Variants in DNAJC13 observed in about 807,000 individuals in gnomAD.
DNAJC13 encodes the protein dnaJ homolog subfamily C member 13.
In DNAJC13, 75 loss-of-function variants were observed where a neutral mutation model predicts 290.5. That is an observed-to-expected ratio of 0.26 (90% CI 0.21 to 0.31). The LOEUF (loss-of-function observed/expected upper bound fraction) is 0.31. Ranked by LOEUF, DNAJC13 falls within the 10% of genes least tolerant of loss-of-function variation. The pLI, the probability that DNAJC13 is intolerant of heterozygous loss-of-function variation, is 1.00. For missense variants in DNAJC13, 2,260 were observed against 2,674.5 expected, an observed-to-expected ratio of 0.85 and a Z score of 3.42; for synonymous variants, 862 against 892.0, an observed-to-expected ratio of 0.97 and a Z score of 0.60.
chr3:132,479,385 T>C (rs1934590994), intron 25 of DNAJC13, 96 bp downstream of exon 25: 3 of 849,458 alleles, frequency 3.5e-6, no homozygotes. Flanking sequence ...GGAGTGTTCT[T>C]TTCTGTCTTC....
At chr3:132,479,345 A>G in intron 25 of DNAJC13, 56 bp downstream of exon 25, 2 of 1,213,724 alleles carry the variant, frequency 1.6e-6, no homozygotes, top group Non-Finnish European at 2.4e-6. Context: ...AGTATGTAAG[A>G]TAAACTCACA....
At chr3:132,420,747 A>G (rs2107636466) in intron 1 of DNAJC13, among the ~76,000 whole-genome samples, 1 of 152,316 alleles carries the variant, frequency 6.6e-6, no homozygotes, top group African/African-American at 2.4e-5. Flanking sequence ...GAGGATAACT[A>G]TGGCAAAAAC....
chr3:132,531,373 A>G (rs1206354548), intron 55 of DNAJC13, among the ~76,000 whole-genome samples: 1 of 152,250 alleles, frequency 6.6e-6, no homozygotes, highest in Admixed American at 6.5e-5. Flanking sequence ...GCATGTCTGT[A>G]TTAAAGTATT....
At chr3:132,434,453 G>A (rs1033540044) in intron 1 of DNAJC13, 85 bp from the exon 2 acceptor site, 1 of 927,824 alleles carries the variant, frequency 1.1e-6, no homozygotes, top group Non-Finnish European at 1.6e-6. Context: ...GTGAGAGAGC[G>A]ATCTTGCTAC....
chr3:132,508,712 C>T (rs1048962370), intron 43 of DNAJC13, among the ~76,000 whole-genome samples: 1 of 152,172 alleles, frequency 6.6e-6, no homozygotes, highest in Non-Finnish European at 1.5e-5. Context: ...CCCCAAACTT[C>T]AGTATTCCAG....
chr3:132,502,382 T>C lies in DNAJC13; in HGVS notation c.4630T>C (p.Leu1544=). The change falls in exon 40 of 56, where the codon TTG becomes CTG. Residue 1544 remains leucine (L), a synonymous_variant. Transcript: ENST00000260818. ...LQTHLFQAGI[L]WYLLGFLFNY... is the part of the protein sequence containing the mutation. Reference sequence around the variant, plus strand: ...GACACACCTATTTCAGGCTGGAATTTTGTGGTATCTCCTTGGTTTTCTGTT... The same window carrying C: ...GACACACCTATTTCAGGCTGGAATTCTGTGGTATCTCCTTGGTTTTCTGTT... 5 of 1,614,088 alleles carry C rather than the reference T, an allele frequency of 3.1e-6. No individual in the cohort carries two copies. Among genetic ancestry groups the C allele is most frequent in the Non-Finnish European group, 3.4e-6 (4 of 1,179,972 alleles).
At chr3:132,529,296 G>A (rs1936345270) in intron 54 of DNAJC13, among the ~76,000 whole-genome samples, 1 of 152,042 alleles carries the variant, frequency 6.6e-6, no homozygotes, top group Admixed American at 6.5e-5. Flanking sequence ...ATATGTCATT[G>A]TACGTAAATG....
At chr3:132,476,764 A>G (rs555387656) in intron 22 of DNAJC13, among the ~76,000 whole-genome samples, 1 of 152,342 alleles carries the variant, frequency 6.6e-6, no homozygotes, top group East Asian at 1.9e-4. Flanking sequence ...TCTGCTTAGA[A>G]TAAGGGTTTT....
At position 132,511,150 on chromosome 3, in the gene DNAJC13, C is replaced by T. The variant is rs1038517793; in HGVS notation, c.5199C>T (p.His1733=). 9.9e-6 allele frequency: 16 copies of T among 1,613,922 alleles called. No individual in the cohort carries two copies. The highest frequency in any genetic ancestry group is 5.5e-5 in the South Asian group (5 of 91,076). The stretch of plus-strand genomic sequence containing the variant: ...TGCACACATTCATGGCCATCACACA[C>T]GCGGCAAAAGTGGAGTCAGAGCAAC... ...QYLHTFMAIT[H]AAKVESEQHG... Residue 1733 remains histidine (H), a synonymous_variant, in exon 44 of 56, where the codon CAC becomes CAT. Coordinates refer to ENST00000260818, the MANE Select transcript of DNAJC13 (RefSeq NM_015268.4).
chr3:132,472,022 A>C (rs1179818733), intron 20 of DNAJC13, among the ~76,000 whole-genome samples: 14 of 149,682 alleles, frequency 9.4e-5, no homozygotes, highest in African/African-American at 3.4e-4. Flanking sequence ...GGTTGGCGGG[A>C]TCACTCGCGG....
chr3:132,508,800 T>C (rs1935677087), intron 43 of DNAJC13, among the ~76,000 whole-genome samples: 1 of 152,260 alleles, frequency 6.6e-6, no homozygotes, highest in Non-Finnish European at 1.5e-5. Flanking sequence ...TAAATCTGCC[T>C]GTGCTCTATA....
At chr3:132,497,287 G>C (rs186401637) in intron 36 of DNAJC13, among the ~76,000 whole-genome samples, 29 of 152,304 alleles carry the variant, frequency 1.9e-4, no homozygotes, top group Admixed American at 1.2e-3. Context: ...AGAAAGCCAG[G>C]AGTATGTTCA....
intron 48 of DNAJC13, among the ~76,000 whole-genome samples, chr3:132,521,714 C>T (rs1936096209): frequency 1.3e-5 from 2 of 152,290 alleles, no homozygotes; most frequent in Admixed American, 1.3e-4. Flanking sequence ...CTTTGTCTAC[C>T]TTCTCTTGTC....
chr3:132,484,132 G>C (rs1184792402), intron 28 of DNAJC13, among the ~76,000 whole-genome samples: 1 of 152,204 alleles, frequency 6.6e-6, no homozygotes, highest in Non-Finnish European at 1.5e-5. Flanking sequence ...TAAAACACTT[G>C]AAGTTTTCAT....
At chr3:132,503,471 C>A in intron 41 of DNAJC13, 90 bp downstream of exon 41, 1 of 1,438,572 alleles carries the variant, frequency 7.0e-7, no homozygotes, top group South Asian at 1.4e-5. Flanking sequence ...TCTAGGGAAC[C>A]TAAAAATTAA....
At position 132,495,183 on chromosome 3, in the gene DNAJC13, G is replaced by A. The variant is rs1393558433; in HGVS notation, c.4020+17G>A. 3.1e-6 allele frequency: 5 copies of A among 1,602,416 alleles called. No individual in the cohort carries two copies. Among genetic ancestry groups the A allele is most frequent in the South Asian group, 1.1e-5 (1 of 90,520 alleles). On this transcript the variant is annotated intron_variant, in intron 35 of 55. Coordinates refer to ENST00000260818, the MANE Select transcript of DNAJC13 (RefSeq NM_015268.4). The stretch of plus-strand genomic sequence containing the variant: ...GAAGGGAGGGTATGTACTGCTGTTG[G>A]AATTCAGGCATTGGGCTTCCTCTTG...
At chr3:132,443,684 A>G (rs1022874039) in intron 2 of DNAJC13, among the ~76,000 whole-genome samples, 4 of 152,322 alleles carry the variant, frequency 2.6e-5, no homozygotes, top group African/African-American at 9.6e-5. Context: ...CGGAAGTTCA[A>G]CAGCCACTCT....
At chr3:132,466,725 A>G (rs572765679) in intron 19 of DNAJC13, among the ~76,000 whole-genome samples, 1 of 152,200 alleles carries the variant, frequency 6.6e-6, no homozygotes, top group African/African-American at 2.4e-5. Flanking sequence ...GTGTGTAAAT[A>G]TGGTATTTTG....
Position 132,496,556 on chromosome 3 carries a change from A to T in DNAJC13, c.4049A>T (p.Tyr1350Phe), listed in dbSNP as rs1251428288. ...ATGTTTGAAAAAGTAAATAAAGCATATGAATTTTTATGTACCAAATCAGCA... is the reference window on the plus strand; with the variant it reads ...ATGTTTGAAAAAGTAAATAAAGCATTTGAATTTTTATGTACCAAATCAGCA... ...RDMFEKVNKA[Y>F]EFLCTKSAKI... The change falls in exon 36 of 56, where the codon TAT (tyrosine) becomes TTT (phenylalanine). Residue 1350 changes from tyrosine (Y) to phenylalanine (F), a missense_variant. Tyr to Phe is a conservative substitution (Grantham distance 22). This residue lies in a region of DNAJC13 where 1,494 missense variants were observed against 1,693.7 expected (regional missense o/e 0.88). Coordinates refer to ENST00000260818, the MANE Select transcript of DNAJC13 (RefSeq NM_015268.4). 6.2e-7 allele frequency: 1 copy of T among 1,603,060 alleles called. No homozygotes were observed. Among genetic ancestry groups the T allele is most frequent in the Non-Finnish European group, 8.5e-7 (1 of 1,174,300 alleles).
Sources: allele counts gnomAD v4.1 joint callset (sites outside exome capture counted in the v4.1 genomes callset), GRCh38; gene constraint gnomAD v4.1.1; regional missense constraint gnomAD v4.1.1; transcripts MANE v1.5; gene names NCBI Gene and HGNC (gene_info 2026-07-23, HGNC 2026-07-21).